ZFR2: variants seen among roughly 807,000 people sequenced by gnomAD.
The protein encoded by ZFR2 is zinc finger RNA binding protein 2.
ZFR2 carries 104 observed loss-of-function variants against 105.7 expected under a neutral mutation model. The ratio of observed to expected loss-of-function variants is 0.98; its 90% CI spans 0.84 to 1.16. The LOEUF (loss-of-function observed/expected upper bound fraction) is 1.16. Ranked by LOEUF, ZFR2 falls within the 50% of genes most tolerant of loss-of-function variation. The probability of loss-of-function intolerance (pLI) is 0.00; values close to 1 mark genes in which losing one functional copy is unlikely to be tolerated. For synonymous variants in ZFR2, 634 were observed against 597.7 expected, an observed-to-expected ratio of 1.06 and a Z score of -0.89; for missense variants, 1,425 against 1,355.5, an observed-to-expected ratio of 1.05 and a Z score of -0.80.
chr19:3,808,761 G>C (rs746566462), intron 17 of ZFR2, 111 bp downstream of exon 17: 3 of 920,780 alleles, frequency 3.3e-6, no homozygotes, highest in Non-Finnish European at 1.6e-6. Flanking sequence ...CTCCTGCCTG[G>C]GCTGGACACT....
chr19:3,833,850 C>A, intron 2 of ZFR2, 72 bp from the exon 3 acceptor site: 1 of 1,170,538 alleles, frequency 8.5e-7, no homozygotes, highest in East Asian at 2.6e-5. Context: ...TGCGACGCGC[C>A]CTGCCACACT....
At position 3,820,245 on chromosome 19, in the gene ZFR2, C is replaced by T. The variant is rs767108190; in HGVS notation, c.1677G>A (p.Pro559=). ...TGAGCAGAGGCTGGGCCCAGTCGGG[C>T]GGCGCGTGGGGCGGCACGTCCTGGG... ...EPPQDVPPHA[P]PDWAQPLLMG... Residue 559 remains proline, a synonymous_variant, in exon 11 of 19, where the codon CCG becomes CCA. Transcript: ENST00000262961. 19 of 1,549,190 alleles carry T rather than the reference C, an allele frequency of 1.2e-5. No individual in the cohort carries two copies. The highest frequency in any genetic ancestry group is 3.6e-5 in the South Asian group (3 of 83,984).
At chr19:3,821,587 G>A (rs1178648197) in intron 9 of ZFR2, 108 bp from the exon 10 acceptor site, 1 of 587,744 alleles carries the variant, frequency 1.7e-6, no homozygotes, top group Non-Finnish European at 2.5e-6. Flanking sequence ...CTGTTGGGCT[G>A]AAAAATCTCC....
intron 1 of ZFR2, chr19:3,855,305 G>GA (rs890525215): frequency 7.2e-4 from 790 of 1,091,348 alleles, no homozygotes; most frequent in Middle Eastern, 1.0e-3. Context: ...TGGCTAAGCT[G>GA]AAAAAAAAAG....
chr19:3,821,278 G>T, intron 10 of ZFR2, 62 bp downstream of exon 10: 1 of 1,473,022 alleles, frequency 6.8e-7, no homozygotes, highest in Non-Finnish European at 9.0e-7. Flanking sequence ...TGGGCGTCTA[G>T]GTTCCACGCT....
chr19:3,862,986 A>G (rs1599259588), intron 1 of ZFR2, among the ~76,000 whole-genome samples: 1 of 152,244 alleles, frequency 6.6e-6, no homozygotes, highest in African/African-American at 2.4e-5. Flanking sequence ...GGCTTTTTGG[A>G]CCTGGTGGTA....
intron 14 of ZFR2, among the ~76,000 whole-genome samples, chr19:3,812,079 G>A (rs921637464): frequency 3.9e-5 from 6 of 152,090 alleles, no homozygotes; most frequent in Non-Finnish European, 8.8e-5. Flanking sequence ...GAGTAGCTGG[G>A]ATTACCGGCG....
At chr19:3,863,135 G>A (rs961222580) in intron 1 of ZFR2, among the ~76,000 whole-genome samples, 1 of 152,240 alleles carries the variant, frequency 6.6e-6, no homozygotes, top group Non-Finnish European at 1.5e-5. Flanking sequence ...AGGACCTGGA[G>A]GCCTGCCGGA....
At chr19:3,828,232 C>T (rs1203043563) in intron 5 of ZFR2, among the ~76,000 whole-genome samples, 1 of 151,740 alleles carries the variant, frequency 6.6e-6, no homozygotes, top group Non-Finnish European at 1.5e-5. Flanking sequence ...GCAACCTCCA[C>T]CTCCTGGGTT....
At chr19:3,820,678 A>C (rs1327403290) in intron 10 of ZFR2, among the ~76,000 whole-genome samples, 1 of 149,926 alleles carries the variant, frequency 6.7e-6, no homozygotes, top group Non-Finnish European at 1.5e-5. Flanking sequence ...GGGACACAGG[A>C]GACTCCAGGG....
At position 3,813,922 on chromosome 19, in the gene ZFR2, G is replaced by C; in HGVS notation, c.2140C>G (p.Pro714Ala). The C allele has an allele frequency of 6.2e-7, 1 of 1,613,952 alleles. No individual in the cohort carries two copies. The highest frequency in any genetic ancestry group is 8.5e-7 in the Non-Finnish European group (1 of 1,179,882). Residue 714 changes from proline (P) to alanine (A), a missense_variant, in exon 14 of 19, where the codon CCT becomes GCT. Physicochemically the swap from Pro to Ala is conservative, Grantham distance 27. Transcript: ENST00000262961. The surrounding 1 kb of genome is among the most constrained non-coding windows in gnomAD (Gnocchi z 4.4). ...GAGGAGATGACAATGTTGGCTTCAGGGTCGGAGGAGACCTCATACTCATCC... is the reference window on the plus strand; with the variant it reads ...GAGGAGATGACAATGTTGGCTTCAGCGTCGGAGGAGACCTCATACTCATCC... ...TEDEYEVSSD[P>A]EANIVISSCE...
Position 3,831,319 on chromosome 19 carries a change from C to G in ZFR2, c.836G>C (p.Ser279Thr). Residue 279 changes from serine (S) to threonine (T), a missense_variant, in exon 5 of 19, where the codon AGC becomes ACC. Ser to Thr is a moderately conservative substitution (Grantham distance 58). Coordinates refer to ENST00000262961, the MANE Select transcript of ZFR2 (RefSeq NM_015174.2). ...GCGACTGACCTGGGGGCCAGCGCAG[C>G]TGATCTTGCAGATGTCGCAGTAGTG... is the stretch of plus-strand genomic sequence containing the variant. ...QLHYCDICKI[S>T]CAGPQTYREH... 1 of 1,545,218 alleles carries G rather than the reference C, an allele frequency of 6.5e-7. No homozygotes were observed. The highest frequency in any genetic ancestry group is 8.7e-7 in the Non-Finnish European group (1 of 1,145,580).
At chr19:3,827,740 G>C in intron 5 of ZFR2, 87 bp from the exon 6 acceptor site, 1 of 1,479,844 alleles carries the variant, frequency 6.8e-7, no homozygotes, top group Non-Finnish European at 9.1e-7. Flanking sequence ...CTTAGCGCGA[G>C]GGAACTCGGT....
intron 5 of ZFR2, 82 bp from the exon 6 acceptor site, chr19:3,827,735 C>A: frequency 6.7e-7 from 1 of 1,496,118 alleles, no homozygotes; most frequent in South Asian, 1.2e-5. Context: ...CCCGGCTTAG[C>A]GCGAGGGAAC....
At chr19:3,843,758 C>T (rs1233182935) in intron 1 of ZFR2, among the ~76,000 whole-genome samples, 1 of 151,046 alleles carries the variant, frequency 6.6e-6, no homozygotes, top group Non-Finnish European at 1.5e-5. Flanking sequence ...TGGCGTGAAC[C>T]TGGGAGGCGG....
rs534835355 is a variant in ZFR2, at chr19:3,855,544, G to A, written c.53+13421C>T. ...CGGGGAATAACCAGACCAAAGTCCC[G>A]TCCTCCAGGAGGGTGCTGCGCGATA... On this transcript the variant is annotated intron_variant, in intron 1 of 18. Transcript: ENST00000262961. The A allele has an allele frequency of 2.9e-5, 27 of 940,066 alleles. No homozygotes were observed. In the South Asian group the frequency reaches 8.2e-4, roughly 28 times the overall value. 58.2% of individuals were successfully genotyped at this position (940,066 alleles called of 1,614,324 possible). A position where few individuals can be genotyped will look rare whatever the true frequency, so the allele number is the denominator to read the frequency against.
intron 13 of ZFR2, among the ~76,000 whole-genome samples, chr19:3,815,523 C>A (rs2037815886): frequency 6.6e-6 from 1 of 152,218 alleles, no homozygotes; most frequent in South Asian, 2.1e-4. Context: ...TTTTGCTTTT[C>A]TTACGGCTTC....
At position 3,827,568 on chromosome 19, in the gene ZFR2, C is replaced by A; in HGVS notation, c.938G>T (p.Arg313Leu). The stretch of plus-strand genomic sequence containing the variant: ...GCAATGCAGCTGCGCCTGCACCCCG[C>A]GCGGGCTCCCGTTGGGCTGCACGCC... ...KTGVQPNGSPRGVQAQLHCDL... is the reference protein window; with the variant it reads ...KTGVQPNGSPLGVQAQLHCDL... The change falls in exon 6 of 19, where the codon CGC (arginine) becomes CTC (leucine). Residue 313 changes from arginine (R) to leucine (L), a missense_variant. Transcript: ENST00000262961. 1 of 1,567,896 alleles carries A rather than the reference C, an allele frequency of 6.4e-7. No homozygotes were observed. Among genetic ancestry groups the A allele is most frequent in the South Asian group, 1.2e-5 (1 of 85,262 alleles).
At chr19:3,862,026 T>C (rs2038379708) in intron 1 of ZFR2, among the ~76,000 whole-genome samples, 1 of 152,204 alleles carries the variant, frequency 6.6e-6, no homozygotes, top group Non-Finnish European at 1.5e-5. Context: ...GTTATTTATC[T>C]GATCAGGGCC....
Sources: allele counts gnomAD v4.1 joint callset (sites outside exome capture counted in the v4.1 genomes callset), GRCh38; gene constraint gnomAD v4.1.1; non-coding constraint Gnocchi (gnomAD v3.1); transcripts MANE v1.5; gene names NCBI Gene and HGNC (gene_info 2026-07-23, HGNC 2026-07-21).